WBP2NL: variants seen among roughly 807,000 people sequenced by gnomAD.
WBP2NL encodes WBP2 N-terminal like.
WBP2NL carries 27 observed loss-of-function variants against 23.3 expected under a neutral mutation model. The ratio of observed to expected loss-of-function variants is 1.16; its 90% CI spans 0.85 to 1.60. WBP2NL has a LOEUF of 1.60. Among genes scored for constraint, WBP2NL ranks in the 40% most tolerant of loss-of-function variants. The pLI is 0.00. For synonymous variants in WBP2NL, 151 were observed against 145.9 expected (o/e 1.03, Z -0.25); for missense variants, 370 against 389.5 (o/e 0.95, Z 0.42).
At chr22:42,012,613 A>C (rs1165911946) in intron 1 of WBP2NL, among the ~76,000 whole-genome samples, 1 of 152,034 alleles carries the variant, frequency 6.6e-6, no homozygotes, top group African/African-American at 2.4e-5. Flanking sequence ...AAGAGCTTTC[A>C]TTTTTTGTTT....
intron 5 of WBP2NL, among the ~76,000 whole-genome samples, chr22:42,026,139 GC>G (rs1054380662): frequency 1.3e-4 from 19 of 151,912 alleles, no homozygotes; most frequent in Non-Finnish European, 2.5e-4. Flanking sequence ...GGGCATGGTG[GC>G]GGGTGCTTGT....
chr22:42,049,534 C>A (rs999225419), intron 8 of WBP2NL, among the ~76,000 whole-genome samples: 15 of 151,228 alleles, frequency 9.9e-5, no homozygotes, highest in African/African-American at 3.6e-4. Flanking sequence ...ACTAAAAATA[C>A]AAAAAATTAG....
intron 1 of WBP2NL, among the ~76,000 whole-genome samples, chr22:42,017,833 G>A (rs1923454427): frequency 6.6e-6 from 1 of 151,858 alleles, no homozygotes; most frequent in Admixed American, 6.6e-5. Context: ...GCAACATGGT[G>A]AAACCTCATC....
Position 41,998,830 on chromosome 22 carries a change from T to C in WBP2NL, c.12T>C (p.Asn4=), listed in dbSNP as rs764076835. 6.8e-6 allele frequency: 11 copies of C among 1,610,688 alleles called. No individual in the cohort carries two copies. The South Asian group carries it at 1.2e-4, about 18-fold the overall frequency. MAV[N]QSHTENRRGA... ...AGGCCCGAAGCAAGATGGCGGTGAA[T>C]CAGAGCCACACCGAGAACCGCCGCG... is the stretch of plus-strand genomic sequence containing the variant. Residue 4 remains asparagine, a synonymous_variant, in exon 1 of 6, where the codon AAT becomes AAC. Coordinates refer to ENST00000328823, the MANE Select transcript of WBP2NL (RefSeq NM_152613.3).
chr22:42,037,846 T>TGAGA (rs1190223204), downstream of WBP2NL, among the ~76,000 whole-genome samples: 1 of 96,102 alleles, frequency 1.0e-5, no homozygotes, highest in South Asian at 3.2e-4. Flanking sequence ...AGAGAGAGAG[T>TGAGA]GAGAGTGTGT....
chr22:42,001,823 A>G, intron 1 of WBP2NL: 3 of 1,275,548 alleles, frequency 2.4e-6, no homozygotes, highest in Middle Eastern at 2.1e-4. Context: ...TGTATTGCTT[A>G]TCTGCAGTGA....
At position 42,027,850 on chromosome 22, in the gene WBP2NL, A is replaced by G. The variant is rs1264445622; in HGVS notation, c.*669A>G. ...TTATAGTCAGAATACGTGAATAACT[A>G]CAAATCAATTCTCCCCAAAATGACA... On this transcript the variant is annotated 3_prime_UTR_variant, in exon 6 of 6. Coordinates refer to ENST00000328823, the MANE Select transcript of WBP2NL (RefSeq NM_152613.3). 2.5e-6 allele frequency: 1 copy of G among 397,826 alleles called. No individual in the cohort carries two copies. Among genetic ancestry groups the G allele is most frequent in the East Asian group, 3.6e-5 (1 of 28,012 alleles). 24.6% of individuals were successfully genotyped at this position (397,826 alleles called of 1,614,324 possible).
intron 8 of WBP2NL, among the ~76,000 whole-genome samples, chr22:42,043,176 G>A (rs1162448215): frequency 1.3e-5 from 2 of 152,152 alleles, no homozygotes; most frequent in South Asian, 2.1e-4. Flanking sequence ...ACAAAGTGTG[G>A]GGGCATGTGG....
chr22:42,001,641 A>C lies in WBP2NL; in HGVS notation c.62+2761A>C, dbSNP rs1921699055. The stretch of plus-strand genomic sequence containing the variant: ...GCCAGATTCCCTGCAAAGTAGCGCC[A>C]AAACTGGGATCTCTTGTCCACACCA... On this transcript the variant is annotated intron_variant, in intron 1 of 5. Transcript: ENST00000328823. 4 of 1,165,928 alleles carry C rather than the reference A, an allele frequency of 3.4e-6. No individual in the cohort carries two copies. In the East Asian group the frequency reaches 7.0e-5, roughly 20 times the overall value. 72.2% of individuals were successfully genotyped at this position (1,165,928 alleles called of 1,614,324 possible).
chr22:42,026,265 C>G (rs1246644717), intron 5 of WBP2NL, among the ~76,000 whole-genome samples: 2 of 137,612 alleles, frequency 1.5e-5, no homozygotes, highest in Non-Finnish European at 1.6e-5. Context: ...GAGCGAGACC[C>G]CCTCTCAAAA....
chr22:42,039,275 C>T (rs1406055370), intron 8 of WBP2NL, among the ~76,000 whole-genome samples: 1 of 151,580 alleles, frequency 6.6e-6, no homozygotes, highest in Non-Finnish European at 1.5e-5. Context: ...AGGGTTTCAC[C>T]ATGTTGGACA....
chr22:42,020,114 A>G lies in WBP2NL; in HGVS notation c.406+18A>G, dbSNP rs1473676736. The stretch of plus-strand genomic sequence containing the variant: ...CTCTGCTGGTAAGTGATGCTGATAA[A>G]GATATTAAGCACTTTGGGGTTTTTT... On this transcript the variant is annotated intron_variant, in intron 4 of 5. Transcript: ENST00000328823. The G allele has an allele frequency of 6.2e-7, 1 of 1,605,554 alleles. No individual in the cohort carries two copies. The highest frequency in any genetic ancestry group is 1.1e-5 in the South Asian group (1 of 90,136).
chr22:42,051,528 T>G (rs1925838267), intron 8 of WBP2NL, among the ~76,000 whole-genome samples: 1 of 152,204 alleles, frequency 6.6e-6, no homozygotes, highest in Non-Finnish European at 1.5e-5. Flanking sequence ...GCTAATAATG[T>G]ATCAGTACTA....
At chr22:42,057,428 T>C (rs1175470343) in intron 8 of WBP2NL, among the ~76,000 whole-genome samples, 14 of 152,178 alleles carry the variant, frequency 9.2e-5, no homozygotes, top group Non-Finnish European at 4.4e-5. Flanking sequence ...ATCATTCTTA[T>C]TCTTTCCTTT....
chr22:42,037,850 A>AGT (rs145563548), downstream of WBP2NL, among the ~76,000 whole-genome samples: 3,403 of 143,776 alleles, frequency 0.024, 47 homozygotes, highest in Middle Eastern at 0.065. Context: ...AGAGAGTGAG[A>AGT]GTGTGTGTGT....
chr22:42,037,215 G>A (rs77005048), downstream of WBP2NL, among the ~76,000 whole-genome samples: 3,553 of 151,338 alleles, frequency 0.023, 135 homozygotes, highest in African/African-American at 0.082. Context: ...ATCCTTTCCC[G>A]ATTGTGTGTT....
At chr22:42,003,466 ACAG>A (rs1472188142) in intron 1 of WBP2NL, 1 of 152,242 alleles carries the variant, frequency 6.6e-6, no homozygotes, top group Non-Finnish European at 1.5e-5. Context: ...AATCGAAACA[ACAG>A]TTTGTAATTT....
At chr22:42,000,677 C>T (rs746003774) in intron 1 of WBP2NL, among the ~76,000 whole-genome samples, 1 of 151,876 alleles carries the variant, frequency 6.6e-6, no homozygotes, top group Non-Finnish European at 1.5e-5. Context: ...GCCTGTAATC[C>T]CAGCACTTTG....
At chr22:42,039,710 T>C (rs966475467) in intron 8 of WBP2NL, among the ~76,000 whole-genome samples, 4 of 152,180 alleles carry the variant, frequency 2.6e-5, no homozygotes, top group African/African-American at 9.6e-5. Flanking sequence ...CTCTTATTTA[T>C]GATTTTATTT....
Sources: gnomAD v4.1 joint callset for allele counts (sites outside exome capture counted in the v4.1 genomes callset) on GRCh38, gnomAD v4.1.1 for gene constraint, MANE v1.5 for transcripts, NCBI Gene and HGNC (gene_info 2026-07-23, HGNC 2026-07-21) for gene names.